MYMX: variants seen among roughly 807,000 people sequenced by gnomAD.
The protein encoded by MYMX is myomixer, myoblast fusion factor, also known as protein myomixer.
At chr6:44,215,115 T>C (rs966806119), upstream of MYMX, among the ~76,000 whole-genome samples, 1 of 152,220 alleles carries the variant, frequency 6.6e-6, no homozygotes, top group South Asian at 2.1e-4. Context: ...GGGTCTTACA[T>C]GCTGATGGAG....
the MYMX span, among the ~76,000 whole-genome samples, chr6:44,195,439 CTG>C: frequency 5.1e-4 from 77 of 152,256 alleles, no homozygotes; most frequent in African/African-American, 1.8e-3. Context: ...TCCTGAAATT[CTG>C]TCTTTCCCAT....
chr6:44,208,216 C>T, the MYMX span, among the ~76,000 whole-genome samples: 1 of 144,194 alleles, frequency 6.9e-6, no homozygotes, highest in South Asian at 2.2e-4. Flanking sequence ...CACTGCATGC[C>T]AGCTTGGGCA....
chr6:44,201,870 T>C, the MYMX span, among the ~76,000 whole-genome samples: 1 of 152,168 alleles, frequency 6.6e-6, no homozygotes, highest in Admixed American at 6.6e-5. Context: ...ACTCCCGCTG[T>C]GCAATATACA....
At position 44,218,125 on chromosome 6, in the gene MYMX, C is replaced by T. The variant is rs1775983443; in HGVS notation, c.*399C>T. On this transcript the variant is annotated 3_prime_UTR_variant, in exon 2 of 2. Transcript: ENST00000573382. ...GCAAGATTTGAATCCAGACTGTCTT[C>T]CAGACTCAGGACCTACCTTAAAATA... The T allele has an allele frequency of 6.0e-6, 1 of 166,950 alleles. No homozygotes were observed. Among genetic ancestry groups the T allele is most frequent in the East Asian group, 1.7e-4 (1 of 5,808 alleles). The allele number at this position is 166,950 out of a possible 1,614,324, so 10.3% of individuals were successfully genotyped here. A position where few individuals can be genotyped will look rare whatever the true frequency, so the allele number is the denominator to read the frequency against.
the MYMX span, among the ~76,000 whole-genome samples, chr6:44,202,655 G>A: frequency 2.0e-5 from 3 of 152,198 alleles, no homozygotes; most frequent in South Asian, 4.1e-4. Flanking sequence ...TAGTGTTCCC[G>A]CCTTGGAGAA....
chr6:44,207,301 G>A, the MYMX span, among the ~76,000 whole-genome samples: 2 of 151,992 alleles, frequency 1.3e-5, no homozygotes, highest in African/African-American at 4.8e-5. Flanking sequence ...ACCACGCCTG[G>A]CTAATTTTTT....
At chr6:44,211,788 T>TTTTGTGTGTGTGTGTGTGTGTGTG in the MYMX span, among the ~76,000 whole-genome samples, 161 of 126,422 alleles carry the variant, frequency 1.3e-3, 2 homozygotes, top group African/African-American at 4.7e-3. Flanking sequence ...CAGCTAGGTT[T>TTTTGTGTGTGTGTGTGTGTGTGTG]TGTGTGTGTG....
At chr6:44,203,663 C>A in the MYMX span, among the ~76,000 whole-genome samples, 3,162 of 152,164 alleles carry the variant, frequency 0.021, 95 homozygotes, top group African/African-American at 0.072. Context: ...CAAAATAAGG[C>A]AGTTTTTGTG....
the MYMX span, among the ~76,000 whole-genome samples, chr6:44,193,086 T>C: frequency 6.6e-6 from 1 of 152,126 alleles, no homozygotes; most frequent in Admixed American, 6.6e-5. Context: ...ACCACCCTTT[T>C]CTGTCACCGA....
At chr6:44,211,370 A>G in the MYMX span, among the ~76,000 whole-genome samples, 5 of 152,182 alleles carry the variant, frequency 3.3e-5, no homozygotes, top group African/African-American at 1.2e-4. Flanking sequence ...CTTATAAGGT[A>G]TAAGAATTTT....
the MYMX span, among the ~76,000 whole-genome samples, chr6:44,210,744 T>C: frequency 6.6e-6 from 1 of 152,256 alleles, no homozygotes; most frequent in Non-Finnish European, 1.5e-5. Flanking sequence ...TATTAATTGC[T>C]GAACATAAGT....
upstream of MYMX, among the ~76,000 whole-genome samples, chr6:44,215,764 G>A (rs369702624): frequency 1.5e-3 from 233 of 151,528 alleles, 4 homozygotes; most frequent in South Asian, 0.021. Context: ...GCATCGTGGC[G>A]GGTGCCTGTA....
the MYMX span, among the ~76,000 whole-genome samples, chr6:44,205,320 C>T: frequency 2.0e-5 from 3 of 151,778 alleles, no homozygotes; most frequent in East Asian, 5.8e-4. Flanking sequence ...CTAACCTCTA[C>T]CAAAATCACT....
the MYMX span, among the ~76,000 whole-genome samples, chr6:44,211,792 G>T: frequency 6.9e-6 from 1 of 145,636 alleles, no homozygotes; most frequent in African/African-American, 2.6e-5. Flanking sequence ...TAGGTTTTGT[G>T]TGTGTGTGTG....
At chr6:44,214,191 G>A (rs1270692198), upstream of MYMX, among the ~76,000 whole-genome samples, 2 of 152,202 alleles carry the variant, frequency 1.3e-5, no homozygotes, top group African/African-American at 4.8e-5. Context: ...AGGAACATCA[G>A]TTAGGTGGAT....
At chr6:44,214,109 G>A (rs990538318), upstream of MYMX, among the ~76,000 whole-genome samples, 1 of 152,208 alleles carries the variant, frequency 6.6e-6, no homozygotes, top group African/African-American at 2.4e-5. Context: ...TGGATAATTT[G>A]AGCAGGGAAA....
At chr6:44,200,911 C>A in the MYMX span, among the ~76,000 whole-genome samples, 1 of 152,160 alleles carries the variant, frequency 6.6e-6, no homozygotes, top group Non-Finnish European at 1.5e-5. Flanking sequence ...TGGCTGTATT[C>A]TATACAAGCT....
the MYMX span, among the ~76,000 whole-genome samples, chr6:44,197,610 G>A: frequency 1.3e-5 from 2 of 152,158 alleles, no homozygotes; most frequent in African/African-American, 2.4e-5. Flanking sequence ...GTATGATGTG[G>A]TAACTCTTTC....
the MYMX span, among the ~76,000 whole-genome samples, chr6:44,197,919 G>A: frequency 8.6e-5 from 13 of 151,874 alleles, no homozygotes; most frequent in African/African-American, 3.1e-4. Context: ...ACTTGTAATT[G>A]ATACTAAATC....
Sources: gnomAD v4.1 joint callset for allele counts (sites outside exome capture counted in the v4.1 genomes callset) on GRCh38, gnomAD v4.1.1 for gene constraint, MANE v1.5 for transcripts, NCBI Gene and HGNC (gene_info 2026-07-23, HGNC 2026-07-21) for gene names.